Variants in CHD9NB observed in about 807,000 individuals in gnomAD.
The protein encoded by CHD9NB is CHD9 neighbor protein.
chr16:53,040,972 G>A, the CHD9NB span, among the ~76,000 whole-genome samples: 1 of 152,308 alleles, frequency 6.6e-6, no homozygotes, highest in Non-Finnish European at 1.5e-5. Flanking sequence ...TGGAAGGACT[G>A]ATGAACAGAT....
chr16:53,049,282 A>T, the CHD9NB span, among the ~76,000 whole-genome samples: 1 of 150,768 alleles, frequency 6.6e-6, no homozygotes, highest in Admixed American at 6.6e-5. Context: ...CAGCCTCCTC[A>T]GTGGCTAGAA....
the CHD9NB span, among the ~76,000 whole-genome samples, chr16:53,049,141 G>C: frequency 1.8e-4 from 28 of 152,236 alleles, no homozygotes; most frequent in African/African-American, 6.7e-4. Flanking sequence ...TTACAGGCAT[G>C]AGCCACTGGG....
chr16:53,052,173 G>A, the CHD9NB span, among the ~76,000 whole-genome samples: 1 of 146,060 alleles, frequency 6.8e-6, no homozygotes, highest in African/African-American at 2.5e-5. Flanking sequence ...GATGCTAGGA[G>A]TTCTAGACCA....
chr16:53,047,525 T>C, the CHD9NB span, among the ~76,000 whole-genome samples: 3 of 152,186 alleles, frequency 2.0e-5, no homozygotes, highest in African/African-American at 7.2e-5. Flanking sequence ...TGTCCTCACA[T>C]GGCCTTTTCT....
the CHD9NB span, among the ~76,000 whole-genome samples, chr16:53,039,172 A>C: frequency 6.6e-6 from 1 of 152,234 alleles, no homozygotes; most frequent in Non-Finnish European, 1.5e-5. Context: ...AAAATGACAG[A>C]AACCAAATTC....
the CHD9NB span, among the ~76,000 whole-genome samples, chr16:53,044,600 C>G: frequency 2.0e-5 from 3 of 152,180 alleles, no homozygotes; most frequent in Non-Finnish European, 4.4e-5. Flanking sequence ...TAGAGACCAC[C>G]CTTTAACCTA....
the CHD9NB span, among the ~76,000 whole-genome samples, chr16:53,050,742 G>A: frequency 1.3e-5 from 2 of 152,020 alleles, no homozygotes; most frequent in Non-Finnish European, 1.5e-5. Flanking sequence ...CTTCTGGGAC[G>A]GGTACCCAGG....
chr16:53,041,095 T>C, the CHD9NB span, among the ~76,000 whole-genome samples: 1 of 152,040 alleles, frequency 6.6e-6, no homozygotes, highest in East Asian at 1.9e-4. Context: ...TGATGGATAA[T>C]GGATGGAAAG....
At chr16:53,038,754 G>A in the CHD9NB span, among the ~76,000 whole-genome samples, 1 of 152,134 alleles carries the variant, frequency 6.6e-6, no homozygotes, top group Non-Finnish European at 1.5e-5. Context: ...ATACAACAAG[G>A]AAATGTGGGA....
chr16:53,047,406 C>T, the CHD9NB span: 3 of 152,198 alleles, frequency 2.0e-5, no homozygotes, highest in Admixed American at 1.3e-4. Context: ...CACAAGACAT[C>T]TATTTCCTCA....
chr16:53,046,949 G>A, the CHD9NB span, among the ~76,000 whole-genome samples: 1 of 152,148 alleles, frequency 6.6e-6, no homozygotes, highest in South Asian at 2.1e-4. Flanking sequence ...TGATTTGCCA[G>A]ATCTGCTAGC....
At chr16:53,037,652 T>C in the CHD9NB span, among the ~76,000 whole-genome samples, 6 of 152,230 alleles carry the variant, frequency 3.9e-5, no homozygotes, top group Non-Finnish European at 7.3e-5. Context: ...GCTCTGCTTT[T>C]GTCAGATAAG....
the CHD9NB span, among the ~76,000 whole-genome samples, chr16:53,051,152 A>G: frequency 6.6e-6 from 1 of 151,474 alleles, no homozygotes; most frequent in Admixed American, 6.6e-5. Flanking sequence ...CTCCCAAAGT[A>G]CTGGGATTAT....
the CHD9NB span, among the ~76,000 whole-genome samples, chr16:53,040,912 G>A: frequency 6.6e-6 from 1 of 152,184 alleles, no homozygotes; most frequent in South Asian, 2.1e-4. Flanking sequence ...ATAGGTGGAT[G>A]GATGGAGGGA....
the CHD9NB span, among the ~76,000 whole-genome samples, chr16:53,045,355 CT>C: frequency 6.6e-6 from 1 of 152,172 alleles, no homozygotes; most frequent in African/African-American, 2.4e-5. Context: ...TGTTATTGTG[CT>C]TTTAATCTGG....
chr16:53,052,226 TC>T, the CHD9NB span, among the ~76,000 whole-genome samples: 5 of 131,542 alleles, frequency 3.8e-5, no homozygotes, highest in Non-Finnish European at 8.0e-5. Context: ...AAACCCCATC[TC>T]TTAAAAAAAA....
the CHD9NB span, chr16:53,042,632 G>C: frequency 6.9e-6 from 1 of 145,442 alleles, no homozygotes; most frequent in Non-Finnish European, 1.5e-5. Context: ...GTCCCTCAAT[G>C]CATCACCCAA....
At chr16:53,039,776 G>A in the CHD9NB span, among the ~76,000 whole-genome samples, 1 of 151,626 alleles carries the variant, frequency 6.6e-6, no homozygotes, top group Non-Finnish European at 1.5e-5. Context: ...ACTCTCAGTG[G>A]ACTAGTTTGG....
the CHD9NB span, among the ~76,000 whole-genome samples, chr16:53,039,805 G>C: frequency 6.6e-6 from 1 of 151,816 alleles, no homozygotes; most frequent in African/African-American, 2.4e-5. Flanking sequence ...ACCCGCCCTT[G>C]AACCTATCAC....
Sources: gnomAD v4.1 joint callset for allele counts (sites outside exome capture counted in the v4.1 genomes callset) on GRCh38, gnomAD v4.1.1 for gene constraint, MANE v1.5 for transcripts, NCBI Gene and HGNC (gene_info 2026-07-23, HGNC 2026-07-21) for gene names.